SERINC5: variants seen among roughly 807,000 people sequenced by gnomAD.
SERINC5 encodes chromosome 5 open reading frame 12.
Under a neutral mutation model 63.1 loss-of-function variants are expected in SERINC5, and 41 were observed. The observed-to-expected ratio is 0.65, with a 90% CI of 0.51 to 0.84. The LOEUF (loss-of-function observed/expected upper bound fraction) is 0.84. Among genes scored for constraint, SERINC5 ranks in the 40% least tolerant of loss-of-function variants. The probability of loss-of-function intolerance (pLI) is 0.00; values close to 1 mark genes in which losing one functional copy is unlikely to be tolerated. For missense variants in SERINC5, 523 were observed against 573.0 expected (o/e 0.91, Z 0.89); for synonymous variants, 222 against 215.2 (o/e 1.03, Z -0.28).
chr5:80,146,208 C>A lies in SERINC5; in HGVS notation c.1120G>T (p.Glu374Ter), dbSNP rs368208203. 6.2e-7 allele frequency: 1 copy of A among 1,613,874 alleles called. No individual in the cohort carries two copies. The highest frequency in any genetic ancestry group is 8.5e-7 in the Non-Finnish European group (1 of 1,179,886). ...TCGTCATAAATGACCCGTGGTCCCTCCTTCCCCGGCTGCTGCTCTTCAGTG... is the reference window on the plus strand; with the variant it reads ...TCGTCATAAATGACCCGTGGTCCCTACTTCCCCGGCTGCTGCTCTTCAGTG... ...EDTEEQQPGK[E>*]GPRVIYDEKK... The change falls in exon 11 of 12, where the codon GAG (glutamate) becomes TAG (stop). Residue 374 changes from glutamate (E) to a stop codon, truncating the protein, a stop_gained. Transcript: ENST00000507668. LOFTEE classifies it high-confidence loss of function.
chr5:80,194,264 GGA>G (rs10583016), intron 2 of SERINC5, among the ~76,000 whole-genome samples: 6,418 of 152,294 alleles, frequency 0.042, 461 homozygotes, highest in African/African-American at 0.15. Context: ...AGCGGAGAAT[GGA>G]GAGAGTTCTA....
intron 1 of SERINC5, among the ~76,000 whole-genome samples, chr5:80,238,187 G>A (rs1344582414): frequency 6.6e-6 from 1 of 150,792 alleles, no homozygotes; most frequent in Non-Finnish European, 1.5e-5. Flanking sequence ...CCCATCATAA[G>A]GAAATAATTT....
chr5:80,222,772 C>T (rs1343002486), intron 1 of SERINC5, among the ~76,000 whole-genome samples: 1 of 152,008 alleles, frequency 6.6e-6, no homozygotes, highest in Non-Finnish European at 1.5e-5. Context: ...TGGGATTTCA[C>T]CATGCTGTCC....
intron 11 of SERINC5, among the ~76,000 whole-genome samples, chr5:80,131,534 GGAA>G (rs1167079234): frequency 6.6e-6 from 1 of 151,936 alleles, no homozygotes; most frequent in Non-Finnish European, 1.5e-5. Context: ...GGGGAGAGGG[GGAA>G]GGAGGAGCAT....
chr5:80,222,563 T>A (rs1256230752), intron 1 of SERINC5, among the ~76,000 whole-genome samples: 1 of 146,062 alleles, frequency 6.8e-6, no homozygotes, highest in Non-Finnish European at 1.5e-5. Flanking sequence ...AGTGTGTGAG[T>A]GTGTGAGTGT....
intron 5 of SERINC5, 46 bp downstream of exon 5, chr5:80,174,908 G>A (rs1475115560): frequency 1.5e-6 from 2 of 1,376,308 alleles, no homozygotes; most frequent in South Asian, 1.3e-5. Flanking sequence ...GTCAAAACTG[G>A]GCAGTTTCTG....
intron 11 of SERINC5, among the ~76,000 whole-genome samples, chr5:80,118,581 T>C (rs917023517): frequency 3.9e-5 from 6 of 152,076 alleles, no homozygotes; most frequent in Non-Finnish European, 7.4e-5. Context: ...AGGGTCTCAC[T>C]CTGTCCCCCA....
chr5:80,253,476 G>A (rs1752517241), intron 1 of SERINC5, among the ~76,000 whole-genome samples: 1 of 152,154 alleles, frequency 6.6e-6, no homozygotes, highest in Non-Finnish European at 1.5e-5. Context: ...TATCTTCTAA[G>A]TGCAAATCAA....
At chr5:80,225,254 G>C (rs1751118031) in intron 1 of SERINC5, among the ~76,000 whole-genome samples, 1 of 152,138 alleles carries the variant, frequency 6.6e-6, no homozygotes, top group South Asian at 2.1e-4. Context: ...AGAATTTAAT[G>C]TTTATCACAG....
chr5:80,227,686 T>G (rs1428688033), intron 1 of SERINC5, among the ~76,000 whole-genome samples: 1 of 151,724 alleles, frequency 6.6e-6, no homozygotes, highest in Non-Finnish European at 1.5e-5. Flanking sequence ...CATTTGAAAG[T>G]TAAAAATTCA....
chr5:80,116,149 C>A lies in SERINC5; in HGVS notation c.1239-2524G>T, dbSNP rs186856078. On this transcript the variant is annotated intron_variant, in intron 11 of 12. Transcript: ENST00000509193. Reference sequence around the variant, plus strand: ...GCAAAAATAGGCACCTTGCCGTAGGCCTCTCTGGCACTCCATCTTGTCTCT... The same window carrying A: ...GCAAAAATAGGCACCTTGCCGTAGGACTCTCTGGCACTCCATCTTGTCTCT... 1.2e-3 allele frequency: 433 copies of A among 371,772 alleles called. 7 individuals carry two copies. The highest frequency in any genetic ancestry group is 6.1e-3 in the African/African-American group (288 of 46,946). The allele number at this position is 371,772 out of a possible 1,614,324, so 23.0% of individuals were successfully genotyped here. A position where few individuals can be genotyped will look rare whatever the true frequency, so the allele number is the denominator to read the frequency against.
intron 11 of SERINC5, among the ~76,000 whole-genome samples, chr5:80,145,292 G>C (rs1399642725): frequency 3.3e-5 from 5 of 151,956 alleles, no homozygotes; most frequent in Non-Finnish European, 7.4e-5. Context: ...GCAGTGAGCC[G>C]AGATTGCGCC....
rs544713866 is a variant in SERINC5, at chr5:80,162,384, A to AT, written c.860-3423dup. Reference sequence around the variant, plus strand: ...ATTCGCTTGCATCCTTTTTATTTTTATTTTTTTGAGACGTGGTCTTGCTCT... The same window carrying AT: ...ATTCGCTTGCATCCTTTTTATTTTTATTTTTTTTGAGACGTGGTCTTGCTCT... On this transcript the variant is annotated intron_variant, in intron 7 of 11. Coordinates refer to ENST00000507668, the MANE Select transcript of SERINC5 (RefSeq NM_001174072.3). Among the ~76,000 whole-genome samples the AT allele has an allele frequency of 7.2e-5, 11 of 151,874 alleles. No homozygotes were observed. In the South Asian group the frequency reaches 1.2e-3, roughly 17 times the overall value.
intron 1 of SERINC5, among the ~76,000 whole-genome samples, chr5:80,208,580 C>A (rs181573334): frequency 6.6e-6 from 1 of 152,090 alleles, no homozygotes. Flanking sequence ...CAATTTCCCA[C>A]GCAAGCACTG....
intron 2 of SERINC5, among the ~76,000 whole-genome samples, chr5:80,179,879 T>C (rs555848433): frequency 6.6e-6 from 1 of 152,352 alleles, no homozygotes; most frequent in African/African-American, 2.4e-5. Flanking sequence ...TGTACCAATT[T>C]ACATCCTACC....
downstream of SERINC5, chr5:80,138,691 C>T (rs1745320862): frequency 2.5e-6 from 1 of 394,664 alleles, no homozygotes; most frequent in Non-Finnish European, 3.4e-6. Context: ...CATGATTTGG[C>T]TATTCCTGAA....
intron 8 of SERINC5, among the ~76,000 whole-genome samples, chr5:80,154,603 C>A (rs544329778): frequency 2.0e-4 from 31 of 152,186 alleles, no homozygotes; most frequent in Non-Finnish European, 3.2e-4. Context: ...CCCACCCCCC[C>A]ATAAAGGCCC....
At chr5:80,240,645 GAAAAT>G (rs933298049) in intron 1 of SERINC5, among the ~76,000 whole-genome samples, 4 of 152,068 alleles carry the variant, frequency 2.6e-5, no homozygotes, top group Non-Finnish European at 5.9e-5. Flanking sequence ...TGTCCAAAAG[GAAAAT>G]AAAATAAACA....
chr5:80,144,117 T>C (rs1200878806), intron 11 of SERINC5, among the ~76,000 whole-genome samples: 3 of 152,174 alleles, frequency 2.0e-5, no homozygotes, highest in African/African-American at 7.2e-5. Context: ...ACATGGTCTC[T>C]TGTGTGTGGC....
Sources: allele counts gnomAD v4.1 joint callset (sites outside exome capture counted in the v4.1 genomes callset), GRCh38; gene constraint gnomAD v4.1.1; transcripts MANE v1.5; gene names NCBI Gene and HGNC (gene_info 2026-07-23, HGNC 2026-07-21).